Variants in STK32B observed in about 807,000 individuals in gnomAD.
STK32B encodes the protein serine/threonine-protein kinase 32B.
A neutral mutation model predicts 52.6 loss-of-function variants in STK32B; 43 were observed. That is an observed-to-expected ratio of 0.82 (90% CI 0.64 to 1.05). The LOEUF (loss-of-function observed/expected upper bound fraction) is 1.05, where lower values mean the gene tolerates loss of function less well. Among genes scored for constraint, STK32B ranks in the 50% least tolerant of loss-of-function variants. STK32B has a pLI of 0.00. For missense variants in STK32B, 621 were observed against 534.6 expected (o/e 1.16, Z -1.59); for synonymous variants, 238 against 204.3 (o/e 1.17, Z -1.41).
chr4:5,158,111 C>T (rs1041235555), intron 2 of STK32B, among the ~76,000 whole-genome samples: 1 of 152,146 alleles, frequency 6.6e-6, no homozygotes, highest in Non-Finnish European at 1.5e-5. Context: ...GGCTTGCAAG[C>T]GTCGGCCAGA....
intron 2 of STK32B, among the ~76,000 whole-genome samples, chr4:5,165,549 C>T (rs1003429584): frequency 6.6e-6 from 1 of 152,152 alleles, no homozygotes; most frequent in South Asian, 2.1e-4. Flanking sequence ...GTCCCAGCCC[C>T]GCAGAGGCAG....
chr4:5,019,424 G>A, the STK32B span: 1 of 1,482,786 alleles, frequency 6.7e-7, no homozygotes. Flanking sequence ...AGCAGCACGG[G>A]CAGAGGCCCA....
In STK32B at chr4:5,469,268, T is replaced by C. The variant is rs1717678138; in HGVS notation, c.1106+1198T>C. ...TTACAGGCCCTTATGCAATCCCCAG[T>C]ATTCAACCGTTTTGGCTTTCAGCAG... On this transcript the variant is annotated intron_variant, in intron 11 of 11. Transcript: ENST00000282908. This position sits in a 1 kb window ranked among gnomAD's most constrained non-coding sequence, Gnocchi z 4.7. Among the ~76,000 whole-genome samples the C allele has an allele frequency of 6.6e-6, 1 of 152,166 alleles. No homozygotes were observed. Among genetic ancestry groups the C allele is most frequent in the African/African-American group, 2.4e-5 (1 of 41,440 alleles).
the STK32B span, among the ~76,000 whole-genome samples, chr4:5,033,473 C>A: frequency 2.6e-5 from 4 of 152,342 alleles, no homozygotes; most frequent in Non-Finnish European, 5.9e-5. Flanking sequence ...GTGAGAACAA[C>A]TTAGACCTTG....
chr4:5,082,574 C>T (rs1321115632), intron 1 of STK32B, among the ~76,000 whole-genome samples: 1 of 152,152 alleles, frequency 6.6e-6, no homozygotes, highest in African/African-American at 2.4e-5. Context: ...GTATCTATTG[C>T]CTGCTGGAAA....
At chr4:5,031,796 C>T in the STK32B span, among the ~76,000 whole-genome samples, 1,898 of 152,138 alleles carry the variant, frequency 0.012, 40 homozygotes, top group African/African-American at 0.043. Context: ...TGCTTGACAC[C>T]ACGGCCTCAG....
In STK32B at chr4:5,099,454, G is replaced by GCGTGCGCGCGCGCGCA. The variant is rs1553823531; in HGVS notation, c.53-40449_53-40448insTGCGCGCGCGCGCACG. Among the ~76,000 whole-genome samples the GCGTGCGCGCGCGCGCA allele has an allele frequency of 6.8e-4, 88 of 129,850 alleles. 1 individual carries two copies. The highest frequency in any genetic ancestry group is 1.8e-3 in the African/African-American group (72 of 39,266). The allele number at this position is 129,850 out of a possible 152,430, so 85.2% of individuals were successfully genotyped here. ...CCTCTGTGTGTGTGTGTGTGTGCGC[G>GCGTGCGCGCGCGCGCA]CGCGCGTATGTGATGTGTTCACAAC... On this transcript the variant is annotated intron_variant, in intron 1 of 11. Coordinates refer to ENST00000282908, the MANE Select transcript of STK32B (RefSeq NM_018401.3).
intron 11 of STK32B, among the ~76,000 whole-genome samples, chr4:5,490,653 C>A (rs1719646148): frequency 6.6e-6 from 1 of 151,668 alleles, no homozygotes; most frequent in South Asian, 2.1e-4. Context: ...TATACATGTG[C>A]CATTTTGGTT....
chr4:5,175,295 T>A (rs898873620), intron 3 of STK32B, among the ~76,000 whole-genome samples: 4 of 152,338 alleles, frequency 2.6e-5, no homozygotes, highest in African/African-American at 9.6e-5. Flanking sequence ...AGCCTTCTTC[T>A]CTCAACTCGT....
chr4:5,264,210 T>C (rs1726905904), intron 3 of STK32B, among the ~76,000 whole-genome samples: 1 of 152,204 alleles, frequency 6.6e-6, no homozygotes, highest in Non-Finnish European at 1.5e-5. Flanking sequence ...AGAGTAAGCA[T>C]ATTTGTAGCT....
intron 1 of STK32B, among the ~76,000 whole-genome samples, chr4:5,102,847 T>TC (rs1713885375): frequency 1.3e-5 from 1 of 76,908 alleles, no homozygotes; most frequent in Non-Finnish European, 2.7e-5. Context: ...TCGACCTCTC[T>TC]CCTCCCCCTC....
At chr4:5,109,204 G>C (rs962576644) in intron 1 of STK32B, among the ~76,000 whole-genome samples, 2 of 152,176 alleles carry the variant, frequency 1.3e-5, no homozygotes, top group African/African-American at 4.8e-5. Context: ...CAACTTTCCA[G>C]GTGTCATGCG....
chr4:5,412,598 C>T (rs1711788028), intron 5 of STK32B, among the ~76,000 whole-genome samples: 1 of 152,188 alleles, frequency 6.6e-6, no homozygotes, highest in African/African-American at 2.4e-5. Flanking sequence ...CTGGCTTCTG[C>T]ATATATCAGC....
chr4:5,249,040 C>T (rs1725680809), intron 3 of STK32B, among the ~76,000 whole-genome samples: 1 of 152,016 alleles, frequency 6.6e-6, no homozygotes, highest in Non-Finnish European at 1.5e-5. Context: ...AACAAACCTG[C>T]ACATTGTGCA....
chr4:5,477,771 C>A (rs1577569082), intron 11 of STK32B, among the ~76,000 whole-genome samples: 2 of 152,128 alleles, frequency 1.3e-5, no homozygotes. Flanking sequence ...TGCTCACTGG[C>A]CGGAACTAGT....
the STK32B span, among the ~76,000 whole-genome samples, chr4:5,035,261 A>G: frequency 1.3e-5 from 2 of 152,272 alleles, no homozygotes; most frequent in Admixed American, 6.5e-5. Flanking sequence ...CATTGAAGAC[A>G]TGAATCTGTG....
intron 3 of STK32B, among the ~76,000 whole-genome samples, chr4:5,236,037 G>C (rs1029701482): frequency 1.3e-5 from 2 of 152,166 alleles, no homozygotes; most frequent in African/African-American, 4.8e-5. Context: ...CCAGGAGGGG[G>C]TGGGTGTCTG....
In STK32B at chr4:5,142,851, T is replaced by A. The variant is rs575908738; in HGVS notation, c.108+2891T>A. On this transcript the variant is annotated intron_variant, in intron 2 of 11. Transcript: ENST00000282908. ...AATGTTTAAATCAGTAGACTTTGAGTTAAGAAGTTGATTCTCCACAATGTG... is the reference window on the plus strand; with the variant it reads ...AATGTTTAAATCAGTAGACTTTGAGATAAGAAGTTGATTCTCCACAATGTG... 2.6e-5 allele frequency among the ~76,000 whole-genome samples: 4 copies of A among 152,272 alleles called. No homozygotes were observed. The East Asian group carries it at 7.7e-4, about 29-fold the overall frequency.
At chr4:5,311,914 A>ATATTTTT (rs143725868) in intron 3 of STK32B, among the ~76,000 whole-genome samples, 49 of 145,478 alleles carry the variant, frequency 3.4e-4, no homozygotes, top group African/African-American at 1.2e-3. Flanking sequence ...ATATATATAT[A>ATATTTTT]TTTTTTTTTA....
Sources: allele counts gnomAD v4.1 joint callset (sites outside exome capture counted in the v4.1 genomes callset), GRCh38; gene constraint gnomAD v4.1.1; non-coding constraint Gnocchi (gnomAD v3.1); transcripts MANE v1.5; gene names NCBI Gene and HGNC (gene_info 2026-07-23, HGNC 2026-07-21).